Variants in HCN1 observed in about 807,000 individuals in gnomAD.
HCN1 encodes the protein hyperpolarization activated cyclic nucleotide gated potassium channel 1.
HCN1 carries 13 observed loss-of-function variants against 78.9 expected under a neutral mutation model. That is an observed-to-expected ratio of 0.16 (90% CI 0.11 to 0.26). HCN1 has a LOEUF of 0.26. Ranked by LOEUF, HCN1 falls within the 10% of genes least tolerant of loss-of-function variation. The pLI, the probability that HCN1 is intolerant of heterozygous loss-of-function variation, is 1.00. For missense variants in HCN1, 810 were observed against 1,154.3 expected, an observed-to-expected ratio of 0.70 and a Z score of 4.32; for synonymous variants, 552 against 455.5, an observed-to-expected ratio of 1.21 and a Z score of -2.70.
chr5:45,266,442 G>C lies in HCN1; in HGVS notation c.1783+647C>G, dbSNP rs776399499. Reference sequence around the variant, plus strand: ...CAAAAAAAGTGATAAAACTTAGTTTGTAATATAGACTCATATATCATATTT... The same window carrying C: ...CAAAAAAAGTGATAAAACTTAGTTTCTAATATAGACTCATATATCATATTT... On this transcript the variant is annotated intron_variant, in intron 7 of 7. Transcript: ENST00000303230. 4.6e-5 allele frequency among the ~76,000 whole-genome samples: 7 copies of C among 152,220 alleles called. No individual in the cohort carries two copies. In the South Asian group the frequency reaches 1.2e-3, roughly 27 times the overall value.
At chr5:45,430,578 A>C (rs1740442646) in intron 3 of HCN1, among the ~76,000 whole-genome samples, 1 of 152,110 alleles carries the variant, frequency 6.6e-6, no homozygotes, top group Admixed American at 6.5e-5. Flanking sequence ...TTAACTTAGG[A>C]TAATGCCTTG....
Position 45,323,729 on chromosome 5 carries a change from C to T in HCN1, c.1378-19890G>A, listed in dbSNP as rs562965396. 1.5e-4 allele frequency among the ~76,000 whole-genome samples: 23 copies of T among 151,948 alleles called. No individual in the cohort carries two copies. In the South Asian group the frequency reaches 4.2e-3, roughly 27 times the overall value. On this transcript the variant is annotated intron_variant, in intron 5 of 7. Coordinates refer to ENST00000303230, the MANE Select transcript of HCN1 (RefSeq NM_021072.4). Reference sequence around the variant, plus strand: ...ATCCCTCCCCCATCCCCCAACCCCACGACAGGCCCGGTGTGTGATGTTCCC... The same window carrying T: ...ATCCCTCCCCCATCCCCCAACCCCATGACAGGCCCGGTGTGTGATGTTCCC...
chr5:45,463,914 C>A (rs1741217453), intron 2 of HCN1, among the ~76,000 whole-genome samples: 2 of 152,050 alleles, frequency 1.3e-5, no homozygotes, highest in Non-Finnish European at 2.9e-5. Context: ...AAGCTTATCA[C>A]ATTTCAGCCC....
intron 6 of HCN1, among the ~76,000 whole-genome samples, chr5:45,285,396 T>G (rs1745247147): frequency 6.6e-6 from 1 of 152,014 alleles, no homozygotes. Context: ...TCATTTTCAC[T>G]CTTCTTATAT....
intron 3 of HCN1, among the ~76,000 whole-genome samples, chr5:45,455,545 A>C (rs1741012515): frequency 6.6e-6 from 1 of 152,046 alleles, no homozygotes; most frequent in African/African-American, 2.4e-5. Context: ...TTAAATGAAA[A>C]AATACATAAT....
intron 6 of HCN1, among the ~76,000 whole-genome samples, chr5:45,302,406 C>T (rs1218345609): frequency 1.3e-5 from 2 of 152,010 alleles, no homozygotes; most frequent in Admixed American, 1.3e-4. Context: ...AATTAAGTCT[C>T]TATTCTTTAT....
intron 5 of HCN1, among the ~76,000 whole-genome samples, chr5:45,327,631 T>A (rs1243560198): frequency 2.0e-5 from 3 of 151,586 alleles, no homozygotes; most frequent in South Asian, 2.1e-4. Context: ...CCCAAAAAAA[T>A]TTATATGTTG....
At chr5:45,586,446 G>A (rs1192260870) in intron 2 of HCN1, among the ~76,000 whole-genome samples, 2 of 152,110 alleles carry the variant, frequency 1.3e-5, no homozygotes, top group African/African-American at 4.8e-5. Flanking sequence ...ACTAGGAAAG[G>A]GAATTCCCTG....
chr5:45,510,666 T>A (rs1244340691), intron 2 of HCN1, among the ~76,000 whole-genome samples: 1 of 152,104 alleles, frequency 6.6e-6, no homozygotes, highest in Admixed American at 6.6e-5. Context: ...TTTTGATGAC[T>A]AACTGAAGAA....
intron 4 of HCN1, among the ~76,000 whole-genome samples, chr5:45,376,121 A>G (rs1293910660): frequency 9.2e-6 from 1 of 108,674 alleles, no homozygotes; most frequent in East Asian, 2.7e-4. Flanking sequence ...AATATATAAT[A>G]TGTTATATAA....
At chr5:45,383,175 C>T (rs1263021803) in intron 4 of HCN1, among the ~76,000 whole-genome samples, 3 of 152,006 alleles carry the variant, frequency 2.0e-5, no homozygotes, top group Admixed American at 1.3e-4. Context: ...GTGATGCTAT[C>T]GTCTATGCAT....
At chr5:45,692,841 C>T (rs1183979340) in intron 1 of HCN1, among the ~76,000 whole-genome samples, 3 of 152,024 alleles carry the variant, frequency 2.0e-5, no homozygotes, top group East Asian at 1.9e-4. Context: ...GTTAAAGTCA[C>T]GACATGCCCT....
intron 4 of HCN1, among the ~76,000 whole-genome samples, chr5:45,379,689 G>A (rs77047272): frequency 0.012 from 1,766 of 152,136 alleles, 35 homozygotes; most frequent in African/African-American, 0.04. Flanking sequence ...GGAAAGCTTA[G>A]ACTAACAAAT....
chr5:45,442,766 A>G (rs1740705081), intron 3 of HCN1, among the ~76,000 whole-genome samples: 1 of 152,070 alleles, frequency 6.6e-6, no homozygotes, highest in Non-Finnish European at 1.5e-5. Context: ...AATTCACCAA[A>G]GTCATGGGCT....
intron 3 of HCN1, among the ~76,000 whole-genome samples, chr5:45,443,908 T>A (rs1740732013): frequency 6.6e-6 from 1 of 152,116 alleles, no homozygotes; most frequent in Non-Finnish European, 1.5e-5. Flanking sequence ...GCCACACATT[T>A]CTAAGTTTTT....
At chr5:45,619,531 C>T (rs145357730) in intron 2 of HCN1, among the ~76,000 whole-genome samples, 23 of 151,916 alleles carry the variant, frequency 1.5e-4, no homozygotes, top group Admixed American at 1.2e-3. Context: ...TATGAATCTA[C>T]GCTGATGTAA....
At chr5:45,360,071 TAAA>T (rs1747080081) in intron 4 of HCN1, among the ~76,000 whole-genome samples, 1 of 150,996 alleles carries the variant, frequency 6.6e-6, no homozygotes, top group Admixed American at 6.6e-5. Context: ...TGTTATGTGA[TAAA>T]TAATAAATAA....
chr5:45,516,669 T>C (rs1234920806), intron 2 of HCN1, among the ~76,000 whole-genome samples: 1 of 151,946 alleles, frequency 6.6e-6, no homozygotes, highest in African/African-American at 2.4e-5. Flanking sequence ...TATTGATCCT[T>C]AGAATAGTCC....
chr5:45,316,765 C>T (rs918803688), intron 5 of HCN1, among the ~76,000 whole-genome samples: 16 of 152,140 alleles, frequency 1.1e-4, no homozygotes, highest in African/African-American at 3.9e-4. Flanking sequence ...TCTTATACAC[C>T]AATAACAGAC....
Sources: gnomAD v4.1 joint callset for allele counts (sites outside exome capture counted in the v4.1 genomes callset) on GRCh38, gnomAD v4.1.1 for gene constraint, MANE v1.5 for transcripts, NCBI Gene and HGNC (gene_info 2026-07-23, HGNC 2026-07-21) for gene names.